Variants in CFAP20 observed in about 807,000 individuals in gnomAD.
The protein encoded by CFAP20 is cilia and flagella associated protein 20.
A neutral mutation model predicts 25.5 loss-of-function variants in CFAP20; 14 were observed. The observed-to-expected ratio is 0.55, with a 90% CI of 0.36 to 0.86. The LOEUF is 0.86. Among genes scored for constraint, CFAP20 ranks in the 40% least tolerant of loss-of-function variants. The pLI is 0.01. For missense variants in CFAP20, 181 were observed against 248.0 expected (o/e 0.73, Z 1.81); for synonymous variants, 75 against 91.1 (o/e 0.82, Z 1.01).
chr16:58,126,567 T>A (rs778774369), intron 1 of CFAP20, among the ~76,000 whole-genome samples: 4 of 152,180 alleles, frequency 2.6e-5, no homozygotes, highest in Non-Finnish European at 4.4e-5. Context: ...AAAATAACTA[T>A]AAATAGGTAC....
chr16:58,119,506 G>A (rs923041043), intron 1 of CFAP20, among the ~76,000 whole-genome samples: 4 of 152,210 alleles, frequency 2.6e-5, no homozygotes, highest in African/African-American at 9.6e-5. Context: ...AGCCCACAGG[G>A]CCGCCAGCAT....
rs1664390002 is a variant in CFAP20, at chr16:58,116,158, G to A, written c.165-6C>T. On this transcript the variant is annotated splice_polypyrimidine_tract_variant and splice_region_variant and intron_variant, in intron 2 of 5. Coordinates refer to ENST00000262498, the MANE Select transcript of CFAP20 (RefSeq NM_013242.3). ...GGCATGTGATATATGTGGTGCTGTA[G>A]AGAGAGGAAATACTAATAAACACAC... is the stretch of plus-strand genomic sequence containing the variant. 4 of 1,589,248 alleles carry A rather than the reference G, an allele frequency of 2.5e-6. No homozygotes were observed. In the South Asian group the frequency reaches 3.3e-5, roughly 13 times the overall value.
Position 58,114,009 on chromosome 16 carries a change from C to T in CFAP20, c.*16G>A, listed in dbSNP as rs755996604. 8.1e-6 allele frequency: 13 copies of T among 1,612,916 alleles called. No homozygotes were observed. In the East Asian group the frequency reaches 8.9e-5, roughly 11 times the overall value. ...GAGTCACATCCAGGGGTCTATCCCT[C>T]GAGTCACAATTCCAGTTATTGCTGA... is the stretch of plus-strand genomic sequence containing the variant. On this transcript the variant is annotated 3_prime_UTR_variant, in exon 6 of 6. Transcript: ENST00000262498.
chr16:58,117,722 T>C (rs1960477804), intron 1 of CFAP20, among the ~76,000 whole-genome samples: 1 of 152,210 alleles, frequency 6.6e-6, no homozygotes. Context: ...CATGGGCCAC[T>C]GCGCCCGTCC....
chr16:58,116,044 C>T lies in CFAP20; in HGVS notation c.273G>A (p.Val91=), dbSNP rs1431916912. 1.9e-6 allele frequency: 3 copies of T among 1,597,758 alleles called. No individual in the cohort carries two copies. In the East Asian group the frequency reaches 6.7e-5, roughly 36 times the overall value. The change falls in exon 3 of 6, where the codon GTG becomes GTA. Residue 91 remains valine, a synonymous_variant. Coordinates refer to ENST00000262498, the MANE Select transcript of CFAP20 (RefSeq NM_013242.3). ...ACATTCATGTACACATACTTACCTG[C>T]ACTTCGAAGGTAAAATACTTCTTCA... is the stretch of plus-strand genomic sequence containing the variant. The part of the protein sequence containing the change: ...KNLKKYFTFE[V]QVLDDKNVRR...
intron 5 of CFAP20, among the ~76,000 whole-genome samples, 167 bp from the exon 6 acceptor site, chr16:58,114,197 G>C (rs1395906018): frequency 6.6e-6 from 1 of 152,200 alleles, no homozygotes; most frequent in African/African-American, 2.4e-5. Context: ...TGTGTTAGCA[G>C]GGACCTATCA....
chr16:58,129,045 A>C lies in CFAP20; in HGVS notation c.71T>G (p.Ile24Ser). ...CCCTAGCCCGACCTTTTTGTCCCAG[A>C]TTTGCAGAGGCTTGCTGCCGATGCT... ...LYSIGSKPLQ[I>S]WDKKVRNGHI... Residue 24 changes from isoleucine (I) to serine (S), a missense_variant, in exon 1 of 6, where the codon ATC becomes AGC. Coordinates refer to ENST00000262498, the MANE Select transcript of CFAP20 (RefSeq NM_013242.3). 1.9e-6 allele frequency: 3 copies of C among 1,610,792 alleles called. No homozygotes were observed. The highest frequency in any genetic ancestry group is 2.5e-6 in the Non-Finnish European group (3 of 1,178,562).
chr16:58,125,105 G>A (rs77875726), intron 1 of CFAP20, among the ~76,000 whole-genome samples: 7,178 of 152,120 alleles, frequency 0.047, 206 homozygotes, highest in South Asian at 0.16. Context: ...TATTCCATAA[G>A]GTTTTTCCTA....
In CFAP20 at chr16:58,116,021, A is replaced by G. The variant is rs2142364667; in HGVS notation, c.276+20T>C. ...CTTTGGTATAGCCAAGAGTGGACAC[A>G]TTCATGTACACATACTTACCTGCAC... On this transcript the variant is annotated intron_variant, in intron 3 of 5. Coordinates refer to ENST00000262498, the MANE Select transcript of CFAP20 (RefSeq NM_013242.3). The G allele has an allele frequency of 2.0e-6, 3 of 1,537,654 alleles. No individual in the cohort carries two copies. The highest frequency in any genetic ancestry group is 4.5e-5 in the East Asian group (2 of 44,466).
chr16:58,120,856 A>G (rs1361939392), intron 1 of CFAP20, among the ~76,000 whole-genome samples: 3 of 152,234 alleles, frequency 2.0e-5, no homozygotes. Flanking sequence ...AAGACAAACT[A>G]AACAGAGCTT....
Position 58,123,595 on chromosome 16 carries a change from CAAAAAAAAAAAAAAAA to C in CFAP20, c.84+5421_84+5436del, listed in dbSNP as rs574037205. 8.2e-3 allele frequency among the ~76,000 whole-genome samples: 373 copies of C among 45,726 alleles called. 5 individuals carry two copies. The highest frequency in any genetic ancestry group is 0.024 in the African/African-American group (336 of 13,894). The allele number at this position is 45,726 out of a possible 152,430, so 30.0% of individuals were successfully genotyped here. A position where few individuals can be genotyped will look rare whatever the true frequency, so the allele number is the denominator to read the frequency against. On this transcript the variant is annotated intron_variant, in intron 1 of 5. Coordinates refer to ENST00000262498, the MANE Select transcript of CFAP20 (RefSeq NM_013242.3). ...TGGGGGACAGAGCAAGACTCTGTCT[CAAAAAAAAAAAAAAAA>C]AAAAAAAAAAAAAAAAAAGACTGAA...
chr16:58,120,000 C>A (rs1395975881), intron 1 of CFAP20, among the ~76,000 whole-genome samples: 1 of 141,976 alleles, frequency 7.0e-6, no homozygotes, highest in Non-Finnish European at 1.6e-5. Context: ...CTCGCCATCT[C>A]ATGTTCCCAA....
intron 1 of CFAP20, among the ~76,000 whole-genome samples, chr16:58,124,889 G>C (rs1321350761): frequency 6.6e-6 from 1 of 152,132 alleles, no homozygotes; most frequent in East Asian, 1.9e-4. Flanking sequence ...TGGGATTACA[G>C]GCATGAGCCA....
chr16:58,124,607 T>C (rs1960585612), intron 1 of CFAP20, among the ~76,000 whole-genome samples: 1 of 152,208 alleles, frequency 6.6e-6, no homozygotes, highest in South Asian at 2.1e-4. Flanking sequence ...CGTATTTGTG[T>C]GTCTAAACAT....
intron 1 of CFAP20, 35 bp from the exon 2 acceptor site, chr16:58,116,986 T>G: frequency 6.3e-7 from 1 of 1,592,414 alleles, no homozygotes; most frequent in Non-Finnish European, 8.6e-7. Context: ...TACTGAAATA[T>G]CTGACAAGGC....
chr16:58,115,104 C>A (rs924389951), intron 4 of CFAP20, 165 bp downstream of exon 4: 3 of 1,095,824 alleles, frequency 2.7e-6, no homozygotes, highest in Non-Finnish European at 4.0e-6. Flanking sequence ...ATACCTGACC[C>A]GACTTCTGAA....
intron 1 of CFAP20, among the ~76,000 whole-genome samples, chr16:58,122,211 G>A (rs746487571): frequency 6.6e-6 from 1 of 152,202 alleles, no homozygotes; most frequent in Non-Finnish European, 1.5e-5. Flanking sequence ...AAGCAACTCT[G>A]GGCATACACC....
At chr16:58,119,682 G>A (rs1261033157) in intron 1 of CFAP20, among the ~76,000 whole-genome samples, 3 of 152,198 alleles carry the variant, frequency 2.0e-5, no homozygotes, top group African/African-American at 7.2e-5. Context: ...CTCCTGCTTT[G>A]AATTCTGGGC....
Position 58,118,595 on chromosome 16 carries a change from C to T in CFAP20, c.85-1644G>A, listed in dbSNP as rs1049576990. Among the ~76,000 whole-genome samples the T allele has an allele frequency of 5.9e-5, 9 of 151,426 alleles. No homozygotes were observed. The South Asian group carries it at 6.3e-4, about 11-fold the overall frequency. On this transcript the variant is annotated intron_variant, in intron 1 of 5. Coordinates refer to ENST00000262498, the MANE Select transcript of CFAP20 (RefSeq NM_013242.3). ...TTGTAATCCCAGCACTTTGGGAGGC[C>T]GAGGCGAGAGAACTGCTTGAGCTCA...
Sources: allele counts gnomAD v4.1 joint callset (sites outside exome capture counted in the v4.1 genomes callset), GRCh38; gene constraint gnomAD v4.1.1; transcripts MANE v1.5; gene names NCBI Gene and HGNC (gene_info 2026-07-23, HGNC 2026-07-21).